Variants in TRPM8 observed in about 807,000 individuals in gnomAD.
TRPM8 encodes transient receptor potential cation channel subfamily M member 8.
TRPM8 carries 110 observed loss-of-function variants against 133.7 expected under a neutral mutation model. That is an observed-to-expected ratio of 0.82 (90% CI 0.70 to 0.96). The LOEUF (loss-of-function observed/expected upper bound fraction) is 0.96. Among genes scored for constraint, TRPM8 ranks in the 40% least tolerant of loss-of-function variants. The pLI is 0.00. For missense variants in TRPM8, 1,291 were observed against 1,379.5 expected (o/e 0.94, Z 1.02); for synonymous variants, 535 against 532.3 (o/e 1.01, Z -0.07).
chr2:234,007,069 C>T (rs539077413), intron 23 of TRPM8, 117 bp downstream of exon 23: 2 of 671,876 alleles, frequency 3.0e-6, no homozygotes, highest in South Asian at 3.6e-5. Flanking sequence ...GAGAATAATA[C>T]CACCACAAAG....
At chr2:233,964,854 G>T in intron 14 of TRPM8, 97 bp downstream of exon 14, 2 of 1,341,598 alleles carry the variant, frequency 1.5e-6, no homozygotes, top group Non-Finnish European at 2.0e-6. Context: ...GGAGGTCCGT[G>T]GCATGTCCAA....
intron 22 of TRPM8, 56 bp downstream of exon 22, chr2:233,996,572 A>G: frequency 1.3e-6 from 2 of 1,489,126 alleles, no homozygotes; most frequent in Non-Finnish European, 1.9e-6. Context: ...ATTTCAGGGA[A>G]GGATGCCTGG....
At chr2:233,986,053 T>G (rs2125304536) in intron 21 of TRPM8, among the ~76,000 whole-genome samples, 188 bp downstream of exon 21, 1 of 152,358 alleles carries the variant, frequency 6.6e-6, no homozygotes, top group East Asian at 1.9e-4. Flanking sequence ...AAGCTGTGCC[T>G]TGAGTTTATT....
intron 22 of TRPM8, among the ~76,000 whole-genome samples, chr2:233,997,521 G>A (rs1048103501): frequency 1.3e-5 from 2 of 152,170 alleles, no homozygotes; most frequent in African/African-American, 2.4e-5. Context: ...TAGTGATGCT[G>A]TTCTGGGCTG....
At position 233,999,372 on chromosome 2, in the gene TRPM8, C is replaced by T. The variant is rs150705747; in HGVS notation, c.3130+2856C>T. Among the ~76,000 whole-genome samples, 14 of 151,208 alleles carry T rather than the reference C, an allele frequency of 9.3e-5. No homozygotes were observed. In the East Asian group the frequency reaches 2.7e-3, roughly 29 times the overall value. ...CTGCAAGGCCCCTGAGGCTGTGGCTCAGAAAGTCAGATGACGTCACTTCTG... is the reference window on the plus strand; with the variant it reads ...CTGCAAGGCCCCTGAGGCTGTGGCTTAGAAAGTCAGATGACGTCACTTCTG... On this transcript the variant is annotated intron_variant, in intron 22 of 25. Transcript: ENST00000324695.
In TRPM8 at chr2:233,954,022, G is replaced by T. The variant is rs1051210410; in HGVS notation, c.1243+3G>T. On this transcript the variant is annotated splice_donor_region_variant and intron_variant, in intron 10 of 25. Transcript: ENST00000324695. Reference sequence around the variant, plus strand: ...CATCTCCTACGCTCTATACAAAGGTGAGTAAAAATAGCTCCTTTTGAAGTG... The same window carrying T: ...CATCTCCTACGCTCTATACAAAGGTTAGTAAAAATAGCTCCTTTTGAAGTG... 1 of 1,580,856 alleles carries T rather than the reference G, an allele frequency of 6.3e-7. No individual in the cohort carries two copies. The highest frequency in any genetic ancestry group is 1.2e-5 in the South Asian group (1 of 83,226).
chr2:233,980,857 A>G (rs1415334100), intron 18 of TRPM8, among the ~76,000 whole-genome samples: 1 of 152,134 alleles, frequency 6.6e-6, no homozygotes, highest in Non-Finnish European at 1.5e-5. Flanking sequence ...GCCCCAAACC[A>G]TGGTTTGCAT....
chr2:234,016,994 C>A (rs1331285055), intron 25 of TRPM8, among the ~76,000 whole-genome samples: 1 of 152,076 alleles, frequency 6.6e-6, no homozygotes, highest in Non-Finnish European at 1.5e-5. Flanking sequence ...AACCACTGAG[C>A]AAATAAAATG....
At chr2:234,010,290 G>A (rs949116874) in intron 24 of TRPM8, among the ~76,000 whole-genome samples, 17 of 152,114 alleles carry the variant, frequency 1.1e-4, no homozygotes, top group Non-Finnish European at 2.5e-4. Flanking sequence ...CTCCACTTAC[G>A]CTGTGGAAAA....
At chr2:233,947,284 C>T in intron 8 of TRPM8, 129 bp downstream of exon 8, 2 of 1,551,320 alleles carry the variant, frequency 1.3e-6, no homozygotes, top group Non-Finnish European at 1.7e-6. Flanking sequence ...AGTGTTTTCC[C>T]TCCACATACT....
intron 21 of TRPM8, among the ~76,000 whole-genome samples, chr2:233,991,589 A>G (rs1342631683): frequency 6.6e-6 from 1 of 152,228 alleles, no homozygotes; most frequent in Non-Finnish European, 1.5e-5. Context: ...ATAGGGAATT[A>G]GCTGACAAGT....
chr2:233,930,410 A>G (rs1273586753), intron 2 of TRPM8, among the ~76,000 whole-genome samples: 1 of 152,228 alleles, frequency 6.6e-6, no homozygotes, highest in African/African-American at 2.4e-5. Flanking sequence ...ATTTGTATGT[A>G]TATAATACTG....
intron 8 of TRPM8, among the ~76,000 whole-genome samples, chr2:233,949,226 C>G (rs2125126181): frequency 6.6e-6 from 1 of 152,244 alleles, no homozygotes; most frequent in African/African-American, 2.4e-5. Flanking sequence ...ATCTGGCTTC[C>G]TGGGTGATGT....
Position 233,970,328 on chromosome 2 carries a change from G to A in TRPM8, c.2257G>A (p.Ala753Thr). The change falls in exon 17 of 26, where the codon GCC (alanine) becomes ACC (threonine). Residue 753 changes from alanine to threonine, a missense_variant. Physicochemically the swap from Ala to Thr is moderately conservative, Grantham distance 58 (BLOSUM62 0). This residue lies in a region of TRPM8 where 963 missense variants were observed against 968.9 expected (regional missense o/e 0.99). Coordinates refer to ENST00000324695, the MANE Select transcript of TRPM8 (RefSeq NM_024080.5). Reference sequence around the variant, plus strand: ...CTACATCGCCTTCCTCCTGCTGTTTGCCTACGTGCTGCTCATGGATTTCCA... The same window carrying A: ...CTACATCGCCTTCCTCCTGCTGTTTACCTACGTGCTGCTCATGGATTTCCA... ...VFYIAFLLLF[A>T]YVLLMDFHSV... 6.2e-7 allele frequency: 1 copy of A among 1,614,138 alleles called. No individual in the cohort carries two copies. The highest frequency in any genetic ancestry group is 8.5e-7 in the Non-Finnish European group (1 of 1,180,032).
At chr2:234,005,406 C>G (rs1326713687) in intron 22 of TRPM8, among the ~76,000 whole-genome samples, 1 of 152,050 alleles carries the variant, frequency 6.6e-6, no homozygotes, top group African/African-American at 2.4e-5. Context: ...ATTTGTCATC[C>G]TTGCTCTCTG....
At chr2:233,974,242 GT>G (rs1323567959) in intron 17 of TRPM8, among the ~76,000 whole-genome samples, 1 of 150,712 alleles carries the variant, frequency 6.6e-6, no homozygotes, top group Non-Finnish European at 1.5e-5. Flanking sequence ...TTTTTTTGTT[GT>G]TTTTTTTTGA....
chr2:233,997,793 T>C (rs1258841151), intron 22 of TRPM8, among the ~76,000 whole-genome samples: 1 of 152,132 alleles, frequency 6.6e-6, no homozygotes, highest in African/African-American at 2.4e-5. Context: ...CTCTCTCATG[T>C]GGTCACCTAG....
intron 3 of TRPM8, among the ~76,000 whole-genome samples, chr2:233,931,458 ACT>A (rs1171544124): frequency 6.6e-6 from 1 of 152,176 alleles, no homozygotes; most frequent in Non-Finnish European, 1.5e-5. Context: ...TAATGAAAAG[ACT>A]CTCTGTTGAA....
At chr2:233,942,083 TTTTTTTTTC>T (rs1244808912) in intron 5 of TRPM8, among the ~76,000 whole-genome samples, 13 of 141,900 alleles carry the variant, frequency 9.2e-5, no homozygotes, top group African/African-American at 3.5e-4. Context: ...TTTTTTTTTT[TTTTTTTTTC>T]TTTTTGAGAT....
Sources: gnomAD v4.1 joint callset for allele counts (sites outside exome capture counted in the v4.1 genomes callset) on GRCh38, gnomAD v4.1.1 for gene constraint, gnomAD v4.1.1 regional missense constraint, MANE v1.5 for transcripts, NCBI Gene and HGNC (gene_info 2026-07-23, HGNC 2026-07-21) for gene names.